The following PALM2AKAP2 variants were observed in gnomAD, a reference collection of about 807,000 sequenced individuals.
PALM2AKAP2 encodes PALM2-AKAP2 fusion protein.
In PALM2AKAP2, 37 loss-of-function variants were observed where a neutral mutation model predicts 71.5. The observed-to-expected ratio is 0.52, with a 90% CI of 0.40 to 0.68. The LOEUF (loss-of-function observed/expected upper bound fraction) is 0.68. Among genes scored for constraint, PALM2AKAP2 ranks in the 30% least tolerant of loss-of-function variants. The pLI is 0.00. For missense variants in PALM2AKAP2, 1,224 were observed against 1,191.8 expected (o/e 1.03, Z -0.40); for synonymous variants, 468 against 478.8 (o/e 0.98, Z 0.29).
At chr9:110,159,201 C>T (rs1836536820) in intron 3 of PALM2AKAP2, among the ~76,000 whole-genome samples, 1 of 152,158 alleles carries the variant, frequency 6.6e-6, no homozygotes, top group Non-Finnish European at 1.5e-5. Flanking sequence ...AGTTAATTCT[C>T]TTAAAGGTAA....
intron 1 of PALM2AKAP2, among the ~76,000 whole-genome samples, chr9:110,130,717 G>A (rs1354046613): frequency 6.6e-6 from 1 of 152,154 alleles, no homozygotes; most frequent in Non-Finnish European, 1.5e-5. Flanking sequence ...GTAAGCAACC[G>A]AAGTCCCCTG....
chr9:109,783,358 C>T (rs1314045465), intron 1 of PALM2AKAP2, among the ~76,000 whole-genome samples: 1 of 151,928 alleles, frequency 6.6e-6, no homozygotes, highest in Non-Finnish European at 1.5e-5. Flanking sequence ...CACTCTGTCA[C>T]CCAGGCTGGA....
intron 1 of PALM2AKAP2, among the ~76,000 whole-genome samples, chr9:110,106,803 A>T (rs1835131525): frequency 6.6e-6 from 1 of 152,246 alleles, no homozygotes; most frequent in Non-Finnish European, 1.5e-5. Context: ...TTGCCATTTC[A>T]GTTCCCAAAC....
intron 1 of PALM2AKAP2, among the ~76,000 whole-genome samples, chr9:109,851,085 G>A (rs183336332): frequency 0.018 from 2,720 of 152,118 alleles, 33 homozygotes; most frequent in Middle Eastern, 0.054. Context: ...GATGAGGCAG[G>A]AGAATGGCAT....
At chr9:109,645,332 G>T (rs1827134653) in intron 1 of PALM2AKAP2, among the ~76,000 whole-genome samples, 1 of 152,124 alleles carries the variant, frequency 6.6e-6, no homozygotes, top group South Asian at 2.1e-4. Flanking sequence ...ACCAGCAAGG[G>T]AAAGGCCTGC....
intron 6 of PALM2AKAP2, among the ~76,000 whole-genome samples, chr9:109,954,777 A>T (rs1831716403): frequency 6.6e-6 from 1 of 151,866 alleles, no homozygotes; most frequent in Non-Finnish European, 1.5e-5. Flanking sequence ...CAGTAAGGTT[A>T]GTTTACCTGC....
chr9:109,982,955 C>G (rs182360714), intron 6 of PALM2AKAP2, among the ~76,000 whole-genome samples: 14 of 152,270 alleles, frequency 9.2e-5, no homozygotes, highest in African/African-American at 2.6e-4. Context: ...AAAGAGCCAG[C>G]CAGCTGTCTG....
At chr9:109,733,744 A>T (rs1304902801) in intron 1 of PALM2AKAP2, among the ~76,000 whole-genome samples, 1 of 152,188 alleles carries the variant, frequency 6.6e-6, no homozygotes, top group Non-Finnish European at 1.5e-5. Context: ...TGGGGGAATC[A>T]ATCTGAAAAT....
At chr9:109,651,005 A>AAAGGG (rs1355746151) in intron 1 of PALM2AKAP2, among the ~76,000 whole-genome samples, 1 of 152,292 alleles carries the variant, frequency 6.6e-6, no homozygotes, top group East Asian at 1.9e-4. Context: ...AGTATTTTGG[A>AAAGGG]AAGGGTGTAT....
At chr9:110,027,859 G>A (rs1020500820) in intron 7 of PALM2AKAP2, among the ~76,000 whole-genome samples, 12 of 152,110 alleles carry the variant, frequency 7.9e-5, no homozygotes, top group East Asian at 5.8e-4. Context: ...GTGTCCAGCC[G>A]GTTGCCCTTT....
At chr9:110,010,666 T>C (rs1370218033) in intron 6 of PALM2AKAP2, among the ~76,000 whole-genome samples, 2 of 148,248 alleles carry the variant, frequency 1.3e-5, no homozygotes, top group Admixed American at 1.4e-4. Flanking sequence ...TATAGAATAC[T>C]TAAATATATT....
At chr9:109,932,805 T>C (rs1445558219) in intron 6 of PALM2AKAP2, among the ~76,000 whole-genome samples, 3 of 152,348 alleles carry the variant, frequency 2.0e-5, no homozygotes, top group South Asian at 2.1e-4. Flanking sequence ...AGTTACAACA[T>C]AGGTGACTTC....
At chr9:110,168,378 T>G (rs1205797252) in intron 3 of PALM2AKAP2, 21 bp from the exon 11 acceptor site, 16 of 1,604,918 alleles carry the variant, frequency 1.0e-5, no homozygotes, top group Non-Finnish European at 1.3e-5. Context: ...CTCTGCATAA[T>G]TTTTTCCCCT....
chr9:110,092,611 G>A (rs1162432247), intron 1 of PALM2AKAP2, among the ~76,000 whole-genome samples: 1 of 152,000 alleles, frequency 6.6e-6, no homozygotes, highest in Admixed American at 6.6e-5. Flanking sequence ...TGCTGTAGAA[G>A]GACTGTAATC....
intron 1 of PALM2AKAP2, among the ~76,000 whole-genome samples, chr9:109,744,224 G>T (rs1486669176): frequency 2.6e-5 from 4 of 152,174 alleles, no homozygotes; most frequent in African/African-American, 7.2e-5. Flanking sequence ...GAGAGATATT[G>T]TTAGATGTGG....
chr9:109,757,113 C>CTTTTGTGTATGAGGG (rs1828975803), intron 1 of PALM2AKAP2, among the ~76,000 whole-genome samples: 2 of 152,090 alleles, frequency 1.3e-5, no homozygotes, highest in Non-Finnish European at 2.9e-5. Context: ...TTATCCCCAC[C>CTTTTGTGTATGAGGG]TACCCTCATA....
At chr9:110,070,027 G>C (rs985545979) in intron 1 of PALM2AKAP2, among the ~76,000 whole-genome samples, 7 of 152,324 alleles carry the variant, frequency 4.6e-5, no homozygotes, top group African/African-American at 1.7e-4. Flanking sequence ...AGAGGAAGAG[G>C]GTTGGCGGCC....
At chr9:109,730,576 G>T (rs1234716288) in intron 1 of PALM2AKAP2, among the ~76,000 whole-genome samples, 1 of 152,212 alleles carries the variant, frequency 6.6e-6, no homozygotes, top group Non-Finnish European at 1.5e-5. Flanking sequence ...TTGGCTGATT[G>T]CTGTGTTTTT....
chr9:109,935,756 A>G (rs1203941276), intron 6 of PALM2AKAP2, among the ~76,000 whole-genome samples: 2 of 152,192 alleles, frequency 1.3e-5, no homozygotes, highest in Non-Finnish European at 2.9e-5. Flanking sequence ...CCTGATGTTC[A>G]AGATTCTTGA....
Sources: gnomAD v4.1 joint callset for allele counts (sites outside exome capture counted in the v4.1 genomes callset) on GRCh38, gnomAD v4.1.1 for gene constraint, MANE v1.5 for transcripts, NCBI Gene and HGNC (gene_info 2026-07-23, HGNC 2026-07-21) for gene names.